CSMD1: variants seen among roughly 807,000 people sequenced by gnomAD.
CSMD1 encodes CUB and Sushi multiple domains 1.
CSMD1 carries 213 observed loss-of-function variants against 417.5 expected under a neutral mutation model. The observed-to-expected ratio is 0.51, with a 90% CI of 0.46 to 0.57. The LOEUF (loss-of-function observed/expected upper bound fraction) is 0.57, where lower values mean the gene tolerates loss of function less well. Ranked by LOEUF, CSMD1 falls within the 20% of genes least tolerant of loss-of-function variation. CSMD1 has a pLI of 0.00. For missense variants in CSMD1, 6,923 were observed against 4,529.7 expected (o/e 1.53, Z -15.17); for synonymous variants, 2,862 against 1,736.8 (o/e 1.65, Z -16.11).
At chr8:4,064,209 G>T (rs1030010161) in intron 3 of CSMD1, among the ~76,000 whole-genome samples, 2 of 152,196 alleles carry the variant, frequency 1.3e-5, no homozygotes, top group Admixed American at 6.5e-5. Context: ...CCATGGCTCA[G>T]ATTTGTTTCT....
At chr8:3,166,298 A>G (rs1335076300) in intron 37 of CSMD1, among the ~76,000 whole-genome samples, 1 of 152,160 alleles carries the variant, frequency 6.6e-6, no homozygotes, top group Non-Finnish European at 1.5e-5. Flanking sequence ...TGGGAGGCCG[A>G]GGCAGGCAGA....
intron 50 of CSMD1, among the ~76,000 whole-genome samples, chr8:3,037,807 G>C (rs1458695422): frequency 2.0e-5 from 3 of 152,168 alleles, no homozygotes; most frequent in East Asian, 3.8e-4. Flanking sequence ...TCACCTGAGA[G>C]TGACTAGCTT....
chr8:3,562,331 T>A (rs577625741), intron 10 of CSMD1, among the ~76,000 whole-genome samples: 1 of 102,228 alleles, frequency 9.8e-6, no homozygotes, highest in Non-Finnish European at 2.1e-5. Context: ...CTTTCCTCTA[T>A]CTGCATCTTG....
chr8:4,984,404 C>T (rs1302025485), intron 1 of CSMD1, among the ~76,000 whole-genome samples: 1 of 152,212 alleles, frequency 6.6e-6, no homozygotes, highest in Non-Finnish European at 1.5e-5. Context: ...CCGATCCGAC[C>T]TTCAGCTTTA....
intron 3 of CSMD1, among the ~76,000 whole-genome samples, chr8:4,217,852 A>T (rs1047417760): frequency 1.3e-5 from 2 of 152,168 alleles, no homozygotes; most frequent in South Asian, 4.1e-4. Context: ...GAAAATGTGA[A>T]AAGGTGAGCC....
chr8:4,880,469 C>T (rs1428317863), intron 1 of CSMD1, among the ~76,000 whole-genome samples: 1 of 152,080 alleles, frequency 6.6e-6, no homozygotes, highest in Non-Finnish European at 1.5e-5. Flanking sequence ...AGAGGAATTT[C>T]CTGTGCTGTT....
chr8:3,337,951 C>A (rs1318639734), intron 23 of CSMD1, among the ~76,000 whole-genome samples: 1 of 152,164 alleles, frequency 6.6e-6, no homozygotes, highest in Admixed American at 6.5e-5. Flanking sequence ...GCTAGGTTTT[C>A]CCTAATGAGC....
rs1406160615 is a variant in CSMD1, at chr8:4,066,876, C to G, written c.416-34777G>C. 2.6e-5 allele frequency among the ~76,000 whole-genome samples: 4 copies of G among 152,292 alleles called. No homozygotes were observed. In the Middle Eastern group the frequency reaches 0.014, roughly 518 times the overall value. Reference sequence around the variant, plus strand: ...CTTGATCACTGCTGATTTAACACAGCCTCACAGAACAAACGTAACTATAAC... The same window carrying G: ...CTTGATCACTGCTGATTTAACACAGGCTCACAGAACAAACGTAACTATAAC... On this transcript the variant is annotated intron_variant, in intron 3 of 69. Coordinates refer to ENST00000635120, the MANE Select transcript of CSMD1 (RefSeq NM_033225.6).
intron 5 of CSMD1, among the ~76,000 whole-genome samples, chr8:3,891,361 T>A (rs1027395031): frequency 3.9e-5 from 6 of 152,162 alleles, no homozygotes; most frequent in African/African-American, 1.4e-4. Context: ...GAGCAGGTTC[T>A]TGAAATTAGG....
chr8:3,141,855 T>C (rs1383649558), intron 41 of CSMD1, among the ~76,000 whole-genome samples: 2 of 150,570 alleles, frequency 1.3e-5, no homozygotes, highest in Non-Finnish European at 3.0e-5. Flanking sequence ...TGGAGTGCAG[T>C]GGCGCGATCT....
At chr8:3,371,747 A>G (rs1416961459) in intron 18 of CSMD1, among the ~76,000 whole-genome samples, 1 of 152,160 alleles carries the variant, frequency 6.6e-6, no homozygotes, top group Non-Finnish European at 1.5e-5. Flanking sequence ...TAATACGTAA[A>G]CCTCATGGGA....
intron 1 of CSMD1, among the ~76,000 whole-genome samples, chr8:4,712,971 T>C (rs912466031): frequency 1.3e-5 from 2 of 152,160 alleles, no homozygotes; most frequent in African/African-American, 4.8e-5. Context: ...TAAAGGCAAA[T>C]CCACGGGAAT....
At chr8:3,715,694 C>A (rs1267681338) in intron 6 of CSMD1, among the ~76,000 whole-genome samples, 1 of 152,114 alleles carries the variant, frequency 6.6e-6, no homozygotes, top group Non-Finnish European at 1.5e-5. Flanking sequence ...AGGCACCTGC[C>A]ACCAAACCCA....
chr8:4,864,460 G>C (rs901891095), intron 1 of CSMD1, among the ~76,000 whole-genome samples: 1 of 151,732 alleles, frequency 6.6e-6, no homozygotes, highest in Non-Finnish European at 1.5e-5. Context: ...TACTTCAATA[G>C]ACAAAAATCA....
At position 4,496,384 on chromosome 8, in the gene CSMD1, G is replaced by A. The variant is rs182486442; in HGVS notation, c.303-76319C>T. Among the ~76,000 whole-genome samples the A allele has an allele frequency of 2.0e-5, 3 of 152,274 alleles. No individual in the cohort carries two copies. The East Asian group carries it at 5.8e-4, about 29-fold the overall frequency. ...GCGCAGGAGTCCATCCTGACAGGGG[G>A]CTGGAGAGAGCTGATGAGATTCATG... On this transcript the variant is annotated intron_variant, in intron 2 of 69. Coordinates refer to ENST00000635120, the MANE Select transcript of CSMD1 (RefSeq NM_033225.6).
chr8:4,796,537 C>A (rs758868086), intron 1 of CSMD1, among the ~76,000 whole-genome samples: 1 of 151,746 alleles, frequency 6.6e-6, no homozygotes, highest in East Asian at 2.0e-4. Flanking sequence ...CCCTCAGACA[C>A]GCTCTCAGAC....
intron 42 of CSMD1, among the ~76,000 whole-genome samples, chr8:3,112,038 C>T (rs1367887104): frequency 3.3e-5 from 5 of 151,926 alleles, no homozygotes; most frequent in African/African-American, 1.2e-4. Context: ...TTCCTGCTTG[C>T]TCCGGCTCTA....
chr8:3,661,152 A>G (rs957616297), intron 7 of CSMD1, among the ~76,000 whole-genome samples: 2 of 152,198 alleles, frequency 1.3e-5, no homozygotes, highest in African/African-American at 4.8e-5. Context: ...GTACTTTCGT[A>G]TATGACTCCT....
At chr8:4,028,337 C>G (rs533097409) in intron 4 of CSMD1, among the ~76,000 whole-genome samples, 2 of 152,130 alleles carry the variant, frequency 1.3e-5, no homozygotes, top group South Asian at 2.1e-4. Context: ...AATAAAATGC[C>G]TACTTATGAA....
Sources: gnomAD v4.1 joint callset for allele counts (sites outside exome capture counted in the v4.1 genomes callset) on GRCh38, gnomAD v4.1.1 for gene constraint, MANE v1.5 for transcripts, NCBI Gene and HGNC (gene_info 2026-07-23, HGNC 2026-07-21) for gene names.